CNTNAP4: variants seen among roughly 807,000 people sequenced by gnomAD.
CNTNAP4 encodes the protein contactin-associated protein-like 4.
Under a neutral mutation model 148.4 loss-of-function variants are expected in CNTNAP4, and 98 were observed. The ratio of observed to expected loss-of-function variants is 0.66; its 90% CI spans 0.56 to 0.78. The LOEUF is 0.78. Among genes scored for constraint, CNTNAP4 ranks in the 30% least tolerant of loss-of-function variants. The pLI, the probability that CNTNAP4 is intolerant of heterozygous loss-of-function variation, is 0.00. For synonymous variants in CNTNAP4, 730 were observed against 565.1 expected (o/e 1.29, Z -4.14); for missense variants, 1,935 against 1,565.6 (o/e 1.24, Z -3.98).
intron 22 of CNTNAP4, 46 bp downstream of exon 22, chr16:76,553,547 C>T (rs1597150259): frequency 2.9e-6 from 4 of 1,388,022 alleles, no homozygotes; most frequent in Non-Finnish European, 4.0e-6. Context: ...GTAGCTTGTC[C>T]ATGGAATTTA....
intron 23 of CNTNAP4, among the ~76,000 whole-genome samples, chr16:76,555,969 G>A (rs1039770167): frequency 5.3e-5 from 8 of 152,074 alleles, no homozygotes; most frequent in Non-Finnish European, 7.4e-5. Flanking sequence ...ATAATGTATC[G>A]TCCTCCAGTG....
chr16:76,559,213 C>A lies in CNTNAP4; in HGVS notation c.*530C>A, dbSNP rs1374120692. 1 of 152,132 alleles carries A rather than the reference C, an allele frequency of 6.6e-6. No individual in the cohort carries two copies. Among genetic ancestry groups the A allele is most frequent in the African/African-American group, 2.4e-5 (1 of 41,428 alleles). 9.4% of individuals were successfully genotyped at this position (152,132 alleles called of 1,614,324 possible). ...GCCTTTCTCTGTATTATATTCAATA[C>A]AATACATCAATAGTCTTGAAAAATG... is the stretch of plus-strand genomic sequence containing the variant. On this transcript the variant is annotated 3_prime_UTR_variant, in exon 24 of 24. Transcript: ENST00000611870.
intron 4 of CNTNAP4, among the ~76,000 whole-genome samples, chr16:76,445,349 A>C (rs1056905392): frequency 2.6e-5 from 4 of 152,170 alleles, no homozygotes; most frequent in African/African-American, 9.6e-5. Flanking sequence ...GTCTGTCTTC[A>C]CTAAATGGAA....
intron 13 of CNTNAP4, among the ~76,000 whole-genome samples, chr16:76,492,932 C>T (rs1297349518): frequency 1.4e-5 from 2 of 143,906 alleles, no homozygotes; most frequent in Non-Finnish European, 3.0e-5. Flanking sequence ...ACCTTTAAGG[C>T]CAGTTGTGCT....
intron 2 of CNTNAP4, among the ~76,000 whole-genome samples, chr16:76,325,043 G>C (rs545301166): frequency 6.6e-6 from 1 of 152,046 alleles, no homozygotes; most frequent in Non-Finnish European, 1.5e-5. Flanking sequence ...GCCAGCCCTC[G>C]GGGGCAAAGA....
At chr16:76,426,829 A>G (rs184138970) in intron 3 of CNTNAP4, among the ~76,000 whole-genome samples, 21 of 152,252 alleles carry the variant, frequency 1.4e-4, no homozygotes, top group African/African-American at 4.6e-4. Context: ...TAAAGTCCGT[A>G]AGTTTAATTA....
chr16:76,442,712 C>T (rs902534072), intron 4 of CNTNAP4, among the ~76,000 whole-genome samples: 3 of 152,056 alleles, frequency 2.0e-5, no homozygotes, highest in African/African-American at 7.2e-5. Flanking sequence ...AGAAGGGATT[C>T]ACTCACTACC....
Position 76,308,251 on chromosome 16 carries a change from A to G in CNTNAP4, c.86-8162A>G, listed in dbSNP as rs943797979. ...ATGTCAATGTCAAATTAATACTTAAAGAAGCTAAAGAACTGCATAGTAGTC... is the reference window on the plus strand; with the variant it reads ...ATGTCAATGTCAAATTAATACTTAAGGAAGCTAAAGAACTGCATAGTAGTC... On this transcript the variant is annotated intron_variant, in intron 1 of 23. Coordinates refer to ENST00000611870, the MANE Select transcript of CNTNAP4 (RefSeq NM_033401.5). 3.9e-5 allele frequency among the ~76,000 whole-genome samples: 6 copies of G among 152,348 alleles called. No homozygotes were observed. In the East Asian group the frequency reaches 7.7e-4, roughly 20 times the overall value.
intron 3 of CNTNAP4, among the ~76,000 whole-genome samples, chr16:76,404,434 A>G (rs1313656204): frequency 6.6e-6 from 1 of 151,664 alleles, no homozygotes; most frequent in Non-Finnish European, 1.5e-5. Flanking sequence ...CAATGCTATC[A>G]CACACACACA....
chr16:76,403,726 A>G (rs184177726), intron 3 of CNTNAP4, among the ~76,000 whole-genome samples: 98 of 152,354 alleles, frequency 6.4e-4, no homozygotes, highest in African/African-American at 2.1e-3. Context: ...AAATCATTCT[A>G]CCACAAAGAC....
chr16:76,536,893 A>G (rs532669693), intron 18 of CNTNAP4, among the ~76,000 whole-genome samples: 1 of 152,320 alleles, frequency 6.6e-6, no homozygotes, highest in Non-Finnish European at 1.5e-5. Context: ...TCTCTTGGCT[A>G]TTGAACCTTT....
At position 76,560,241 on chromosome 16, in the gene CNTNAP4, A is replaced by C. The variant is rs2085363142; in HGVS notation, c.*1558A>C. ...CACCAGAAGAATCGGGAAATATGTAAATTTAGCATTACTATCATCTTATTT... is the reference window on the plus strand; with the variant it reads ...CACCAGAAGAATCGGGAAATATGTACATTTAGCATTACTATCATCTTATTT... On this transcript the variant is annotated 3_prime_UTR_variant, in exon 24 of 24. Transcript: ENST00000611870. Among the ~76,000 whole-genome samples, 1 of 152,162 alleles carries C rather than the reference A, an allele frequency of 6.6e-6. No individual in the cohort carries two copies. The highest frequency in any genetic ancestry group is 6.5e-5 in the Admixed American group (1 of 15,272).
chr16:76,514,437 G>A (rs1258281456), intron 15 of CNTNAP4, among the ~76,000 whole-genome samples: 1 of 152,148 alleles, frequency 6.6e-6, no homozygotes, highest in Non-Finnish European at 1.5e-5. Flanking sequence ...TGCAAAACTA[G>A]TATAAGACTA....
At chr16:76,476,314 C>T (rs1262148039) in intron 11 of CNTNAP4, among the ~76,000 whole-genome samples, 1 of 152,158 alleles carries the variant, frequency 6.6e-6, no homozygotes, top group East Asian at 1.9e-4. Context: ...TTATCTTGTT[C>T]TGTTACTCAA....
chr16:76,317,939 T>G (rs1961977261), intron 2 of CNTNAP4, among the ~76,000 whole-genome samples: 1 of 152,154 alleles, frequency 6.6e-6, no homozygotes, highest in African/African-American at 2.4e-5. Flanking sequence ...AATGGGAAAC[T>G]GGGGGGTGTT....
intron 14 of CNTNAP4, among the ~76,000 whole-genome samples, chr16:76,497,405 T>C (rs1448510422): frequency 1.3e-5 from 2 of 151,740 alleles, no homozygotes; most frequent in African/African-American, 4.8e-5. Flanking sequence ...ACAATAAATA[T>C]AGCTAAAATG....
intron 1 of CNTNAP4, among the ~76,000 whole-genome samples, chr16:76,298,679 G>T (rs1959597143): frequency 6.6e-6 from 1 of 152,076 alleles, no homozygotes; most frequent in South Asian, 2.1e-4. Flanking sequence ...CAGCCATATA[G>T]AGCTCTCCAA....
chr16:76,350,389 G>C (rs1231481785), intron 2 of CNTNAP4, among the ~76,000 whole-genome samples: 1 of 151,978 alleles, frequency 6.6e-6, no homozygotes, highest in African/African-American at 2.4e-5. Context: ...CATCTCACTA[G>C]ATAATTTTAA....
At chr16:76,522,342 C>A in intron 17 of CNTNAP4, 85 bp downstream of exon 17, 1 of 1,094,316 alleles carries the variant, frequency 9.1e-7, no homozygotes, top group Non-Finnish European at 1.3e-6. Context: ...ACTATAGAAA[C>A]AAGGATAATA....
Sources: gnomAD v4.1 joint callset for allele counts (sites outside exome capture counted in the v4.1 genomes callset) on GRCh38, gnomAD v4.1.1 for gene constraint, MANE v1.5 for transcripts, NCBI Gene and HGNC (gene_info 2026-07-23, HGNC 2026-07-21) for gene names.